XAF1: variants seen among roughly 807,000 people sequenced by gnomAD.
XAF1 encodes XIAP-associated factor 1.
XAF1 carries 32 observed loss-of-function variants against 32.3 expected under a neutral mutation model. That is an observed-to-expected ratio of 0.99 (90% CI 0.75 to 1.33). The LOEUF (loss-of-function observed/expected upper bound fraction) is 1.33, where lower values mean the gene tolerates loss of function less well. Among genes scored for constraint, XAF1 ranks in the 40% most tolerant of loss-of-function variants. The pLI is 0.00. For missense variants in XAF1, 379 were observed against 366.0 expected, an observed-to-expected ratio of 1.04 and a Z score of -0.29; for synonymous variants, 120 against 125.9, an observed-to-expected ratio of 0.95 and a Z score of 0.31.
chr17:6,774,637 T>G lies in XAF1; in HGVS notation c.*1468T>G, dbSNP rs1470893742. 6.6e-6 allele frequency: 1 copy of G among 152,180 alleles called. No homozygotes were observed. Among genetic ancestry groups the G allele is most frequent in the African/African-American group, 2.4e-5 (1 of 41,454 alleles). The allele number at this position is 152,180 out of a possible 1,614,324, so 9.4% of individuals were successfully genotyped here. A position where few individuals can be genotyped will look rare whatever the true frequency, so the allele number is the denominator to read the frequency against. ...TATTGGTTATATACCCAAAGGAATC[T>G]AAATCATTCTGTCATAAAGACATAT... On this transcript the variant is annotated 3_prime_UTR_variant, in exon 7 of 7. Coordinates refer to ENST00000361842, the MANE Select transcript of XAF1 (RefSeq NM_017523.5).
intron 3 of XAF1, 154 bp downstream of exon 3, chr17:6,759,872 C>A: frequency 7.8e-7 from 1 of 1,285,804 alleles, no homozygotes; most frequent in Non-Finnish European, 1.1e-6. Flanking sequence ...TAGCCCACCG[C>A]ATAACACAGG....
chr17:6,761,747 C>G, intron 4 of XAF1: 1 of 970,748 alleles, frequency 1.0e-6, no homozygotes, highest in Non-Finnish European at 1.4e-6. Flanking sequence ...CAACACAACA[C>G]AGCTTCAACA....
Position 6,769,299 on chromosome 17 carries a change from A to C in XAF1, c.508-1344A>C, listed in dbSNP as rs559303834. On this transcript the variant is annotated intron_variant, in intron 5 of 6. Coordinates refer to ENST00000361842, the MANE Select transcript of XAF1 (RefSeq NM_017523.5). ...ATTTGCCTATTTTTGTTCTCACTACAAAAAAAAGATAGGTATGTGAAGTGA... is the reference window on the plus strand; with the variant it reads ...ATTTGCCTATTTTTGTTCTCACTACCAAAAAAAGATAGGTATGTGAAGTGA... Among the ~76,000 whole-genome samples, 5 of 151,996 alleles carry C rather than the reference A, an allele frequency of 3.3e-5. No homozygotes were observed. In the East Asian group the frequency reaches 9.6e-4, roughly 29 times the overall value.
chr17:6,772,949 A>T (rs1976165365), intron 6 of XAF1, 164 bp from the exon 7 acceptor site: 1 of 582,710 alleles, frequency 1.7e-6, no homozygotes, highest in Admixed American at 3.9e-5. Context: ...CAAGCCTCCT[A>T]TACTTCTGGC....
chr17:6,770,517 G>A, intron 5 of XAF1, 126 bp from the exon 6 acceptor site: 1 of 773,822 alleles, frequency 1.3e-6, no homozygotes. Context: ...TTGAATGTCT[G>A]TCACATTTTA....
upstream of XAF1, chr17:6,756,023 T>C (rs930425137): frequency 1.9e-6 from 3 of 1,613,154 alleles, no homozygotes; most frequent in African/African-American, 2.7e-5. Context: ...ACTTTCAGTT[T>C]TGTTTCCTTG....
chr17:6,757,590 T>G (rs182301123), intron 1 of XAF1, among the ~76,000 whole-genome samples: 34 of 151,492 alleles, frequency 2.2e-4, no homozygotes, highest in Admixed American at 9.2e-4. Context: ...TCAAGAGAAT[T>G]TGGCACTTCT....
chr17:6,761,351 C>A (rs888278503), intron 4 of XAF1, among the ~76,000 whole-genome samples: 2 of 152,226 alleles, frequency 1.3e-5, no homozygotes, highest in African/African-American at 4.8e-5. Context: ...GAATCTAGGG[C>A]TTTTTCCATT....
At chr17:6,763,364 G>A (rs1388410435) in intron 5 of XAF1, among the ~76,000 whole-genome samples, 2 of 152,198 alleles carry the variant, frequency 1.3e-5, no homozygotes, top group East Asian at 3.9e-4. Flanking sequence ...GTCTCACTCT[G>A]TTGCCCAGGC....
chr17:6,772,108 A>G (rs1198736024), intron 6 of XAF1, among the ~76,000 whole-genome samples: 1 of 152,178 alleles, frequency 6.6e-6, no homozygotes, highest in Non-Finnish European at 1.5e-5. Context: ...ATAATTTTAC[A>G]AAAATGGGTT....
chr17:6,759,328 A>G, intron 2 of XAF1: 1 of 1,294,622 alleles, frequency 7.7e-7, no homozygotes, highest in Non-Finnish European at 9.8e-7. Flanking sequence ...ATCTGTAAAG[A>G]GAGGATGTGA....
In XAF1 at chr17:6,759,081, G is replaced by A. The variant is rs1180441078; in HGVS notation, c.169-581G>A. 8 of 965,234 alleles carry A rather than the reference G, an allele frequency of 8.3e-6. No homozygotes were observed. The East Asian group carries it at 8.7e-4, about 105-fold the overall frequency. The allele number at this position is 965,234 out of a possible 1,614,324, so 59.8% of individuals were successfully genotyped here. A position where few individuals can be genotyped will look rare whatever the true frequency, so the allele number is the denominator to read the frequency against. On this transcript the variant is annotated intron_variant, in intron 2 of 6. Coordinates refer to ENST00000361842, the MANE Select transcript of XAF1 (RefSeq NM_017523.5). Reference sequence around the variant, plus strand: ...AGATGGGGTCCGGGAGTTGGGGTGAGGGCTGGGGACTTAAGGCAAGGGTCC... The same window carrying A: ...AGATGGGGTCCGGGAGTTGGGGTGAAGGCTGGGGACTTAAGGCAAGGGTCC...
chr17:6,759,880 AG>A, intron 3 of XAF1, 162 bp downstream of exon 3: 1 of 1,202,904 alleles, frequency 8.3e-7, no homozygotes, highest in Non-Finnish European at 1.2e-6. Flanking sequence ...CGCATAACAC[AG>A]GTTCTCCTGT....
intron 5 of XAF1, among the ~76,000 whole-genome samples, chr17:6,768,129 C>CT (rs113141167): frequency 0.044 from 6,324 of 144,882 alleles, 252 homozygotes; most frequent in African/African-American, 0.1. Context: ...TTCTTTCTTT[C>CT]TTTTTTTTTT....
intron 5 of XAF1, among the ~76,000 whole-genome samples, chr17:6,764,137 G>A (rs1975420920): frequency 6.6e-6 from 1 of 152,208 alleles, no homozygotes. Flanking sequence ...TACTGGCTGT[G>A]TAACCTCTCT....
chr17:6,765,356 T>C (rs1429823215), intron 5 of XAF1, among the ~76,000 whole-genome samples: 1 of 152,040 alleles, frequency 6.6e-6, no homozygotes, highest in Non-Finnish European at 1.5e-5. Flanking sequence ...GAGCTTGCAG[T>C]GAGCCGAGAT....
At chr17:6,764,909 G>A (rs1236661709) in intron 5 of XAF1, among the ~76,000 whole-genome samples, 2 of 152,098 alleles carry the variant, frequency 1.3e-5, no homozygotes, top group Non-Finnish European at 2.9e-5. Flanking sequence ...TTTATGGGAA[G>A]CATTTACTGC....
In XAF1 at chr17:6,760,443, T is replaced by C. The variant is rs759218762; in HGVS notation, c.263T>C (p.Phe88Ser). Residue 88 changes from phenylalanine to serine, a missense_variant, in exon 4 of 7, where the codon TTC becomes TCC. Phe to Ser is a radical substitution (Grantham distance 155). Transcript: ENST00000361842. Reference sequence around the variant, plus strand: ...CAGGAGCGCCCTGTTGAGTGTAAGTTCTGCAAACTGGACATGCAGCTCAGC... The same window carrying C: ...CAGGAGCGCCCTGTTGAGTGTAAGTCCTGCAAACTGGACATGCAGCTCAGC... ...ECQERPVECK[F>S]CKLDMQLSKL... is the part of the protein sequence containing the mutation. The C allele has an allele frequency of 1.2e-5, 19 of 1,613,064 alleles. No homozygotes were observed. The highest frequency in any genetic ancestry group is 1.4e-5 in the Non-Finnish European group (17 of 1,179,722).
intron 5 of XAF1, among the ~76,000 whole-genome samples, chr17:6,764,694 A>G (rs1317656392): frequency 6.6e-6 from 1 of 152,148 alleles, no homozygotes; most frequent in Non-Finnish European, 1.5e-5. Context: ...TTCTGATCCC[A>G]TTTCCTATAA....
Sources: allele counts gnomAD v4.1 joint callset (sites outside exome capture counted in the v4.1 genomes callset), GRCh38; gene constraint gnomAD v4.1.1; transcripts MANE v1.5; gene names NCBI Gene and HGNC (gene_info 2026-07-23, HGNC 2026-07-21).